Variants in ZNF862 observed in about 807,000 individuals in gnomAD.
ZNF862 encodes zinc finger protein 862.
ZNF862 carries 64 observed loss-of-function variants against 91.1 expected under a neutral mutation model. That is an observed-to-expected ratio of 0.70 (90% CI 0.57 to 0.87). The LOEUF (loss-of-function observed/expected upper bound fraction) is 0.87, where lower values mean the gene tolerates loss of function less well. Among genes scored for constraint, ZNF862 ranks in the 40% least tolerant of loss-of-function variants. The pLI, the probability that ZNF862 is intolerant of heterozygous loss-of-function variation, is 0.00. For missense variants in ZNF862, 1,459 were observed against 1,528.0 expected (o/e 0.95, Z 0.75); for synonymous variants, 631 against 618.1 (o/e 1.02, Z -0.31).
At position 149,848,425 on chromosome 7, in the gene ZNF862, G is replaced by A. The variant is rs1440919203; in HGVS notation, c.932G>A (p.Cys311Tyr). 2.2e-5 allele frequency: 33 copies of A among 1,531,628 alleles called. No homozygotes were observed. Among genetic ancestry groups the A allele is most frequent in the Non-Finnish European group, 2.9e-5 (33 of 1,137,842 alleles). The allele number at this position is 1,531,628 out of a possible 1,614,324, so 94.9% of individuals were successfully genotyped here. ...NILYNDAVES[C>Y]IQDPSAEGLS... ...TTATATAATGATGCAGTAGAATCCTGCATTCAGGTAATACGTTTATAATGA... is the reference window on the plus strand; with the variant it reads ...TTATATAATGATGCAGTAGAATCCTACATTCAGGTAATACGTTTATAATGA... The change falls in exon 4 of 8, where the codon TGC becomes TAC. Residue 311 changes from cysteine (C) to tyrosine (Y), a missense_variant. Transcript: ENST00000223210.
At chr7:149,844,194 G>A (rs1156584694) in intron 1 of ZNF862, among the ~76,000 whole-genome samples, 2 of 152,066 alleles carry the variant, frequency 1.3e-5, no homozygotes, top group Non-Finnish European at 2.9e-5. Flanking sequence ...TTTCATCATC[G>A]ACTTCATTCA....
At chr7:149,862,893 G>A (rs1331790040) in intron 7 of ZNF862, among the ~76,000 whole-genome samples, 1 of 152,208 alleles carries the variant, frequency 6.6e-6, no homozygotes, top group African/African-American at 2.4e-5. Flanking sequence ...CTAGTTAAAG[G>A]TCAAGACCAC....
In ZNF862 at chr7:149,847,770, G is replaced by T. The variant is rs757357107; in HGVS notation, c.277G>T (p.Val93Leu). Reference sequence around the variant, plus strand: ...GATGGGCTACATGGGAGAAATGGAGGTGCAAGGTCCCACCAGGGAGAGTGG... The same window carrying T: ...GATGGGCTACATGGGAGAAATGGAGTTGCAAGGTCCCACCAGGGAGAGTGG... Reference protein sequence around the residue: ...KQMGYMGEMEVQGPTRESGQS... With the variant: ...KQMGYMGEMELQGPTRESGQS... Residue 93 changes from valine (V) to leucine (L), a missense_variant, in exon 4 of 8, where the codon GTG becomes TTG. Physicochemically the swap from Val to Leu is conservative, Grantham distance 32 (BLOSUM62 1). Coordinates refer to ENST00000223210, the MANE Select transcript of ZNF862 (RefSeq NM_001099220.3). 6.2e-7 allele frequency: 1 copy of T among 1,613,558 alleles called. No homozygotes were observed. The highest frequency in any genetic ancestry group is 1.3e-5 in the African/African-American group (1 of 74,882).
Position 149,850,435 on chromosome 7 carries a change from C to T in ZNF862, c.1117+97C>T. 7.7e-7 allele frequency: 1 copy of T among 1,301,796 alleles called. No individual in the cohort carries two copies. Among genetic ancestry groups the T allele is most frequent in the Non-Finnish European group, 1.0e-6 (1 of 953,684 alleles). 80.6% of individuals were successfully genotyped at this position (1,301,796 alleles called of 1,614,324 possible). On this transcript the variant is annotated intron_variant, in intron 5 of 7. Coordinates refer to ENST00000223210, the MANE Select transcript of ZNF862 (RefSeq NM_001099220.3). This position sits in a 1 kb window ranked among gnomAD's most constrained non-coding sequence, Gnocchi z 4.2. ...TGTGGTTATCTTCCCATTCCTGCCC[C>T]CTCCCTGTGTGTAGGCAGAGACCGA... is the stretch of plus-strand genomic sequence containing the variant.
Position 149,861,004 on chromosome 7 carries a change from T to C in ZNF862, c.1844T>C (p.Leu615Pro), listed in dbSNP as rs1386953468. Residue 615 changes from leucine to proline, a missense_variant, in exon 7 of 8, where the codon CTG (leucine) becomes CCG (proline). Coordinates refer to ENST00000223210, the MANE Select transcript of ZNF862 (RefSeq NM_001099220.3). This position sits in a 1 kb window ranked among gnomAD's most constrained non-coding sequence, Gnocchi z 6.7. ...TCAGAGACCCTGAAGAGGGAGATCC[T>C]GGAGGACGTGCGGAACTCGCCCTGT... ...YISETLKREI[L>P]EDVRNSPCVS... 1.9e-6 allele frequency: 3 copies of C among 1,613,178 alleles called. No individual in the cohort carries two copies. The highest frequency in any genetic ancestry group is 1.3e-5 in the African/African-American group (1 of 74,926).
Position 149,861,669 on chromosome 7 carries a change from TTTG to T in ZNF862, c.2511_2513del (p.Val838del). The stretch of plus-strand genomic sequence containing the variant: ...GCTGAAGCTCATGCGCGGCTTCCAC[TTTG>T]TCAAGTTCTGCCACTTCCTGTTGGA... On this transcript the variant is annotated inframe_deletion, in exon 7 of 8. Coordinates refer to ENST00000223210, the MANE Select transcript of ZNF862 (RefSeq NM_001099220.3). The surrounding 1 kb of genome is among the most constrained non-coding windows in gnomAD (Gnocchi z 6.7). 2.5e-6 allele frequency: 4 copies of T among 1,611,304 alleles called. No homozygotes were observed. The highest frequency in any genetic ancestry group is 3.4e-6 in the Non-Finnish European group (4 of 1,179,084).
rs957086322 is a variant in ZNF862, at chr7:149,850,594, G to A, written c.1117+256G>A. On this transcript the variant is annotated intron_variant, in intron 5 of 7. Transcript: ENST00000223210. The surrounding 1 kb of genome is among the most constrained non-coding windows in gnomAD (Gnocchi z 4.2). Reference sequence around the variant, plus strand: ...ACCTACTATGTGCCAGATGAACACAGCTGATCCATGGTCTCTGCTTTCAAG... The same window carrying A: ...ACCTACTATGTGCCAGATGAACACAACTGATCCATGGTCTCTGCTTTCAAG... 2 of 438,988 alleles carry A rather than the reference G, an allele frequency of 4.6e-6. No individual in the cohort carries two copies. Among genetic ancestry groups the A allele is most frequent in the Non-Finnish European group, 8.2e-6 (2 of 244,748 alleles). The allele number at this position is 438,988 out of a possible 1,614,324, so 27.2% of individuals were successfully genotyped here.
intron 3 of ZNF862, 101 bp downstream of exon 3, chr7:149,846,356 C>T (rs750796733): frequency 4.7e-6 from 4 of 849,928 alleles, no homozygotes; most frequent in Non-Finnish European, 7.6e-6. Flanking sequence ...TGTTCTCCAC[C>T]AACTGACACT....
At chr7:149,843,078 T>C (rs1049222119) in intron 1 of ZNF862, among the ~76,000 whole-genome samples, 4 of 152,224 alleles carry the variant, frequency 2.6e-5, no homozygotes, top group African/African-American at 9.6e-5. Context: ...AGAAGGGTAA[T>C]GAAAAGTAAT....
chr7:149,844,271 T>C (rs896492473), intron 1 of ZNF862, among the ~76,000 whole-genome samples: 9 of 152,206 alleles, frequency 5.9e-5, no homozygotes, highest in African/African-American at 1.9e-4. Flanking sequence ...AGCGAAGGTT[T>C]ACCATGTTTA....
At chr7:149,851,279 C>G (rs549662896) in intron 5 of ZNF862, among the ~76,000 whole-genome samples, 3 of 152,196 alleles carry the variant, frequency 2.0e-5, no homozygotes, top group Non-Finnish European at 2.9e-5. Flanking sequence ...GATCCACCTG[C>G]CTTGGCCTCT....
Position 149,842,405 on chromosome 7 carries a change from T to C in ZNF862, c.25-2220T>C, listed in dbSNP as rs139243855. 8.1e-3 allele frequency among the ~76,000 whole-genome samples: 1,239 copies of C among 152,322 alleles called. 13 individuals carry two copies. The highest frequency in any genetic ancestry group is 0.027 in the African/African-American group (1,111 of 41,574). The stretch of plus-strand genomic sequence containing the variant: ...AGAGAGTGACTGGGAACCGCTAAAA[T>C]AGAACATCGAGAGAGATTCTTTGCA... On this transcript the variant is annotated intron_variant, in intron 1 of 7. Transcript: ENST00000223210.
chr7:149,841,153 A>C (rs1324726595), intron 1 of ZNF862: 1 of 985,336 alleles, frequency 1.0e-6, no homozygotes, highest in African/African-American at 1.7e-5. Context: ...ATGTGTTGCA[A>C]ATGAGTGACA....
chr7:149,860,887 A>G lies in ZNF862; in HGVS notation c.1727A>G (p.Glu576Gly). 6.2e-7 allele frequency: 1 copy of G among 1,613,726 alleles called. No individual in the cohort carries two copies. Among genetic ancestry groups the G allele is most frequent in the Non-Finnish European group, 8.5e-7 (1 of 1,179,886 alleles). ...CACTCAAGGCCCCTGAATGACTTTG[A>G]GAAGATCCTGCAGCTCCTCCAAAGC... ...AYHSRPLNDF[E>G]KILQLLQSTG... Residue 576 changes from glutamate to glycine, a missense_variant, in exon 7 of 8, where the codon GAG (glutamate) becomes GGG (glycine). Transcript: ENST00000223210.
rs752792847 is a variant in ZNF862, at chr7:149,861,763, T to C, written c.2603T>C (p.Val868Ala). The C allele has an allele frequency of 1.2e-6, 2 of 1,613,518 alleles. No homozygotes were observed. Among genetic ancestry groups the C allele is most frequent in the Non-Finnish European group, 8.5e-7 (1 of 1,179,806 alleles). The change falls in exon 7 of 8, where the codon GTG (valine) becomes GCG (alanine). Residue 868 changes from valine to alanine, a missense_variant. By Grantham distance (64) the Val-to-Ala change is moderately conservative (BLOSUM62 0). Coordinates refer to ENST00000223210, the MANE Select transcript of ZNF862 (RefSeq NM_001099220.3). The surrounding 1 kb of genome is among the most constrained non-coding windows in gnomAD (Gnocchi z 6.7). Reference protein sequence around the residue: ...CQKEIVLITEVNATLGRAYVA... With the variant: ...CQKEIVLITEANATLGRAYVA... ...AAGGAGATCGTGCTGATTACAGAGG[T>C]GAACGCCACGCTGGGCCGCGCCTAC... is the stretch of plus-strand genomic sequence containing the variant.
At chr7:149,842,940 G>A (rs1340410382) in intron 1 of ZNF862, among the ~76,000 whole-genome samples, 2 of 152,104 alleles carry the variant, frequency 1.3e-5, no homozygotes, top group African/African-American at 4.8e-5. Context: ...GAAGCCACTC[G>A]AGCAAACAGT....
chr7:149,839,339 G>A (rs187111466), intron 1 of ZNF862, among the ~76,000 whole-genome samples: 66 of 152,324 alleles, frequency 4.3e-4, no homozygotes, highest in African/African-American at 1.5e-3. Flanking sequence ...CATCTTTCTG[G>A]ATGTTGTTTG....
chr7:149,860,804 C>T lies in ZNF862; in HGVS notation c.1644C>T (p.Ser548=). The change falls in exon 7 of 8, where the codon TCC becomes TCT. Residue 548 remains serine, a synonymous_variant. Transcript: ENST00000223210. ...ACACTGCCCTCGTTCCAGAGATCTC[C>T]AGCGACCTCATGGCCAACATGGAGC... ...TPHTALVPEI[S]SDLMANMEHF... 1.9e-6 allele frequency: 3 copies of T among 1,613,830 alleles called. No homozygotes were observed. Among genetic ancestry groups the T allele is most frequent in the Non-Finnish European group, 2.5e-6 (3 of 1,179,896 alleles).
chr7:149,848,544 ACAT>A (rs1249367859), intron 4 of ZNF862, 112 bp downstream of exon 4: 1 of 884,316 alleles, frequency 1.1e-6, no homozygotes. Context: ...CCCACTGCTA[ACAT>A]CATAATGTTG....
Sources: gnomAD v4.1 joint callset for allele counts (sites outside exome capture counted in the v4.1 genomes callset) on GRCh38, gnomAD v4.1.1 for gene constraint, Gnocchi (gnomAD v3.1) non-coding constraint, MANE v1.5 for transcripts, NCBI Gene and HGNC (gene_info 2026-07-23, HGNC 2026-07-21) for gene names.